The following RARB variants were observed in gnomAD, a reference collection of about 807,000 sequenced individuals.
The protein encoded by RARB is retinoic acid receptor beta, also known as HBV-activated protein.
Under a neutral mutation model 51.9 loss-of-function variants are expected in RARB, and 17 were observed. The observed-to-expected ratio is 0.33, with a 90% CI of 0.22 to 0.49. The LOEUF (loss-of-function observed/expected upper bound fraction) is 0.49, where lower values mean the gene tolerates loss of function less well. Among genes scored for constraint, RARB ranks in the 20% least tolerant of loss-of-function variants. The pLI, the probability that RARB is intolerant of heterozygous loss-of-function variation, is 0.99. For synonymous variants in RARB, 215 were observed against 195.4 expected, an observed-to-expected ratio of 1.10 and a Z score of -0.84; for missense variants, 369 against 550.8, an observed-to-expected ratio of 0.67 and a Z score of 3.30.
intron 2 of RARB, among the ~76,000 whole-genome samples, chr3:25,463,112 A>G (rs1206746357): frequency 2.0e-5 from 3 of 152,054 alleles, no homozygotes; most frequent in African/African-American, 7.2e-5. Context: ...GGCTCAAGTG[A>G]TCCTCCCACC....
chr3:24,935,378 C>T (rs1487817680), intron 2 of RARB, among the ~76,000 whole-genome samples: 2 of 151,952 alleles, frequency 1.3e-5, no homozygotes, highest in Admixed American at 6.6e-5. Context: ...CCACACACAC[C>T]CACACTCTCA....
chr3:25,190,415 A>T (rs1701075104), intron 5 of RARB, among the ~76,000 whole-genome samples: 1 of 152,062 alleles, frequency 6.6e-6, no homozygotes, highest in African/African-American at 2.4e-5. Context: ...ATATGTGTGT[A>T]TATATATTTT....
At chr3:24,949,980 G>T (rs918455907) in intron 2 of RARB, among the ~76,000 whole-genome samples, 1 of 152,180 alleles carries the variant, frequency 6.6e-6, no homozygotes, top group East Asian at 1.9e-4. Flanking sequence ...AGGGAAGAGC[G>T]AAAGGACAGA....
At chr3:25,551,446 A>T (rs147302320) in intron 3 of RARB, among the ~76,000 whole-genome samples, 115 of 152,306 alleles carry the variant, frequency 7.6e-4, no homozygotes, top group African/African-American at 2.6e-3. Context: ...AGAGGAGGAT[A>T]GGTCTGCCTC....
At chr3:25,433,606 G>C (rs1286185804) in intron 1 of RARB, among the ~76,000 whole-genome samples, 1 of 152,124 alleles carries the variant, frequency 6.6e-6, no homozygotes, top group Non-Finnish European at 1.5e-5. Context: ...GTTGGAGCTG[G>C]GGTGATGGAG....
At chr3:25,140,885 A>AG (rs1343546640) in intron 4 of RARB, among the ~76,000 whole-genome samples, 1 of 152,182 alleles carries the variant, frequency 6.6e-6, no homozygotes, top group Non-Finnish European at 1.5e-5. Context: ...GACTCACTGA[A>AG]GGCTCAGGTG....
At chr3:25,518,494 GTAGT>G (rs5847360) in intron 3 of RARB, among the ~76,000 whole-genome samples, 21,835 of 151,924 alleles carry the variant, frequency 0.14, 3,134 homozygotes, top group African/African-American at 0.38. Context: ...ATCCCTCCAG[GTAGT>G]TAGTTATTCA....
intron 2 of RARB, among the ~76,000 whole-genome samples, chr3:24,962,664 A>G (rs1485864765): frequency 1.3e-5 from 2 of 152,206 alleles, no homozygotes; most frequent in Non-Finnish European, 2.9e-5. Flanking sequence ...TGAGCTGCAC[A>G]TGGAAGGCAT....
chr3:25,110,957 G>A (rs993471408), intron 3 of RARB, among the ~76,000 whole-genome samples: 1 of 152,180 alleles, frequency 6.6e-6, no homozygotes, highest in African/African-American at 2.4e-5. Flanking sequence ...AATGTGTACA[G>A]ATCGTGTACA....
chr3:24,913,613 G>A (rs1695047620), intron 2 of RARB, among the ~76,000 whole-genome samples: 1 of 151,956 alleles, frequency 6.6e-6, no homozygotes, highest in Non-Finnish European at 1.5e-5. Flanking sequence ...CTCAATTAGT[G>A]GACAATCAAA....
intron 5 of RARB, among the ~76,000 whole-genome samples, chr3:25,353,206 G>A (rs1217268961): frequency 1.3e-5 from 2 of 152,108 alleles, no homozygotes; most frequent in Non-Finnish European, 2.9e-5. Context: ...TCTTTCAATG[G>A]TAAGTGGTGA....
At chr3:25,265,761 C>A (rs376862861) in intron 5 of RARB, among the ~76,000 whole-genome samples, 4 of 152,142 alleles carry the variant, frequency 2.6e-5, no homozygotes, top group Non-Finnish European at 5.9e-5. Context: ...CGTGAACCAC[C>A]ATGGCTGTCC....
At chr3:25,349,628 A>G (rs1012343399) in intron 5 of RARB, among the ~76,000 whole-genome samples, 13 of 152,360 alleles carry the variant, frequency 8.5e-5, no homozygotes, top group African/African-American at 3.1e-4. Context: ...TTTTACAATC[A>G]AAAGCACAGA....
intron 3 of RARB, among the ~76,000 whole-genome samples, chr3:25,131,578 T>C (rs1699954534): frequency 6.6e-6 from 1 of 151,934 alleles, no homozygotes; most frequent in Non-Finnish European, 1.5e-5. Flanking sequence ...TTTCTCAAAG[T>C]TTCTCATTTG....
At chr3:25,052,874 T>TA (rs1436494024) in intron 2 of RARB, among the ~76,000 whole-genome samples, 1 of 147,896 alleles carries the variant, frequency 6.8e-6, no homozygotes, top group South Asian at 2.2e-4. Flanking sequence ...AAGTGAGAGG[T>TA]AAAAAAGTCA....
intron 2 of RARB, among the ~76,000 whole-genome samples, chr3:25,016,048 A>G (rs906060328): frequency 1.9e-4 from 29 of 152,318 alleles, no homozygotes; most frequent in Admixed American, 5.9e-4. Flanking sequence ...TGGTGGAACA[A>G]TGGGTACATG....
At chr3:25,326,871 G>T (rs1704732213) in intron 5 of RARB, among the ~76,000 whole-genome samples, 1 of 151,688 alleles carries the variant, frequency 6.6e-6, no homozygotes, top group Admixed American at 6.6e-5. Flanking sequence ...TAACTTTTAG[G>T]GTACATGTGC....
chr3:24,905,644 C>T lies in RARB; in HGVS notation c.-380+46892C>T, dbSNP rs139637092. 1.8e-4 allele frequency among the ~76,000 whole-genome samples: 28 copies of T among 152,322 alleles called. No homozygotes were observed. The East Asian group carries it at 4.6e-3, about 25-fold the overall frequency. ...TTTTGTTTATTGCCTTTCTTTCCTT[C>T]TTCCCACCTGCTTAAAGAAGCCTGG... On this transcript the variant is annotated intron_variant, in intron 2 of 11. Coordinates refer to the RARB transcript ENST00000383772.
intron 2 of RARB, among the ~76,000 whole-genome samples, chr3:25,048,380 C>A (rs182719994): frequency 1.3e-5 from 2 of 152,258 alleles, no homozygotes; most frequent in East Asian, 3.9e-4. Flanking sequence ...GACCCCCATC[C>A]AATATATGAT....
Sources: allele counts gnomAD v4.1 joint callset (sites outside exome capture counted in the v4.1 genomes callset), GRCh38; gene constraint gnomAD v4.1.1; transcripts MANE v1.5; gene names NCBI Gene and HGNC (gene_info 2026-07-23, HGNC 2026-07-21).